The following ELMO1 variants were observed in gnomAD, a reference collection of about 807,000 sequenced individuals.
The protein encoded by ELMO1 is engulfment and cell motility protein 1.
ELMO1 carries 26 observed loss-of-function variants against 98.9 expected under a neutral mutation model. That is an observed-to-expected ratio of 0.26 (90% CI 0.19 to 0.36). The LOEUF (loss-of-function observed/expected upper bound fraction) is 0.36. Ranked by LOEUF, ELMO1 falls within the 10% of genes least tolerant of loss-of-function variation. The pLI, the probability that ELMO1 is intolerant of heterozygous loss-of-function variation, is 1.00. For missense variants in ELMO1, 627 were observed against 935.2 expected (o/e 0.67, Z 4.30); for synonymous variants, 346 against 346.0 (o/e 1.00, Z 0.00).
intron 2 of ELMO1, among the ~76,000 whole-genome samples, chr7:37,329,013 G>A (rs762728959): frequency 5.3e-5 from 8 of 152,156 alleles, no homozygotes; most frequent in Admixed American, 1.3e-4. Context: ...AATGCAGTCC[G>A]GAGTGACTCT....
intron 15 of ELMO1, among the ~76,000 whole-genome samples, chr7:37,066,195 C>T (rs770440263): frequency 1.3e-5 from 2 of 152,120 alleles, no homozygotes; most frequent in African/African-American, 2.4e-5. Context: ...CTATTAGCAG[C>T]GTGAGAACAG....
At chr7:36,975,845 G>GAAA (rs200193324) in intron 16 of ELMO1, among the ~76,000 whole-genome samples, 9,195 of 103,544 alleles carry the variant, frequency 0.089, 418 homozygotes, top group Middle Eastern at 0.23. Flanking sequence ...ACACTTGCCT[G>GAAA]AAAAAAAAAA....
intron 1 of ELMO1, among the ~76,000 whole-genome samples, chr7:37,406,432 A>AT (rs1261357840): frequency 5.6e-5 from 8 of 142,488 alleles, no homozygotes; most frequent in Admixed American, 3.7e-4. Flanking sequence ...GAAGTAAGAA[A>AT]ATTTTTTTTT....
At chr7:36,957,978 A>C (rs1168809779) in intron 16 of ELMO1, among the ~76,000 whole-genome samples, 1 of 152,072 alleles carries the variant, frequency 6.6e-6, no homozygotes, top group Non-Finnish European at 1.5e-5. Flanking sequence ...TGCTTTCTTT[A>C]ACTTACTACT....
In ELMO1 at chr7:37,293,023, C is replaced by T. The variant is rs1366766207; in HGVS notation, c.193-21141G>A. On this transcript the variant is annotated intron_variant, in intron 4 of 21. Coordinates refer to ENST00000310758, the MANE Select transcript of ELMO1 (RefSeq NM_014800.11). Reference sequence around the variant, plus strand: ...TGAGGAGCCACTCTGCCCAGCCAGCCGCCCCGTCCGGGAGGGAGGTGGGGG... The same window carrying T: ...TGAGGAGCCACTCTGCCCAGCCAGCTGCCCCGTCCGGGAGGGAGGTGGGGG... Among the ~76,000 whole-genome samples, 2 of 54,466 alleles carry T rather than the reference C, an allele frequency of 3.7e-5. 1 individual carries two copies. The highest frequency in any genetic ancestry group is 8.5e-5 in the Non-Finnish European group (2 of 23,632). The allele number at this position is 54,466 out of a possible 152,430, so 35.7% of individuals were successfully genotyped here. A position where few individuals can be genotyped will look rare whatever the true frequency, so the allele number is the denominator to read the frequency against.
intron 16 of ELMO1, among the ~76,000 whole-genome samples, chr7:36,945,587 G>C (rs750007216): frequency 3.3e-5 from 5 of 152,216 alleles, no homozygotes; most frequent in African/African-American, 4.8e-5. Context: ...GAATGCCTCT[G>C]TTTTTCCAAT....
At chr7:36,892,409 A>AAGCAATGAG (rs1805634882) in intron 17 of ELMO1, among the ~76,000 whole-genome samples, 1 of 151,996 alleles carries the variant, frequency 6.6e-6, no homozygotes, top group Admixed American at 6.6e-5. Context: ...TCCTGTAACT[A>AAGCAATGAG]AGCAATGAGC....
intron 14 of ELMO1, among the ~76,000 whole-genome samples, chr7:37,103,264 A>G (rs1784740054): frequency 6.6e-6 from 1 of 152,176 alleles, no homozygotes; most frequent in African/African-American, 2.4e-5. Context: ...CAGAAAACAA[A>G]ACATGGTTGC....
intron 15 of ELMO1, among the ~76,000 whole-genome samples, chr7:37,030,565 T>C (rs1257848702): frequency 6.6e-6 from 1 of 152,160 alleles, no homozygotes; most frequent in Non-Finnish European, 1.5e-5. Context: ...GTGTATATAC[T>C]CTTGTGGATT....
intron 16 of ELMO1, among the ~76,000 whole-genome samples, chr7:36,923,521 C>A (rs534834948): frequency 6.6e-6 from 1 of 152,254 alleles, no homozygotes; most frequent in South Asian, 2.1e-4. Context: ...ATTATCTAGG[C>A]CTTCCCCAGA....
chr7:37,377,499 C>T (rs1425460127), intron 1 of ELMO1, among the ~76,000 whole-genome samples: 1 of 152,164 alleles, frequency 6.6e-6, no homozygotes, highest in African/African-American at 2.4e-5. Flanking sequence ...TTTCTGTGAA[C>T]AGAGGACGGT....
At chr7:37,385,801 G>A (rs944226065) in intron 1 of ELMO1, among the ~76,000 whole-genome samples, 7 of 152,198 alleles carry the variant, frequency 4.6e-5, no homozygotes, top group Non-Finnish European at 1.0e-4. Context: ...CGAAGGGGCG[G>A]CCAATCTGCC....
At chr7:37,368,712 T>A (rs1422451147) in intron 1 of ELMO1, among the ~76,000 whole-genome samples, 1 of 152,216 alleles carries the variant, frequency 6.6e-6, no homozygotes, top group African/African-American at 2.4e-5. Flanking sequence ...TTTATCTGCA[T>A]AAGATGACCT....
chr7:37,174,890 C>T (rs747628331), intron 13 of ELMO1, among the ~76,000 whole-genome samples: 41 of 152,060 alleles, frequency 2.7e-4, no homozygotes, highest in Non-Finnish European at 5.6e-4. Flanking sequence ...ATAAGCCACA[C>T]CACAAATGCA....
At chr7:36,910,747 A>G (rs1232927821) in intron 16 of ELMO1, among the ~76,000 whole-genome samples, 1 of 152,212 alleles carries the variant, frequency 6.6e-6, no homozygotes, top group Non-Finnish European at 1.5e-5. Flanking sequence ...AGGACCAGAT[A>G]TAAACGATGG....
At chr7:36,889,228 A>C (rs758650313) in intron 17 of ELMO1, among the ~76,000 whole-genome samples, 2 of 152,242 alleles carry the variant, frequency 1.3e-5, no homozygotes, top group South Asian at 4.1e-4. Flanking sequence ...GAACATCTAT[A>C]AAGCATAATA....
intron 5 of ELMO1, among the ~76,000 whole-genome samples, chr7:37,268,093 CAAGCT>C (rs1386872650): frequency 2.6e-5 from 4 of 152,252 alleles, no homozygotes; most frequent in African/African-American, 9.6e-5. Flanking sequence ...TCTGGCAAGC[CAAGCT>C]GTTTCTGATA....
chr7:37,134,664 T>C (rs1292617366), intron 13 of ELMO1, among the ~76,000 whole-genome samples: 3 of 152,118 alleles, frequency 2.0e-5, no homozygotes, highest in Non-Finnish European at 4.4e-5. Context: ...TCCACCTATG[T>C]GTCCACCAAT....
At chr7:37,394,592 GGAA>G (rs1209689985) in intron 1 of ELMO1, among the ~76,000 whole-genome samples, 1 of 152,218 alleles carries the variant, frequency 6.6e-6, no homozygotes, top group Admixed American at 6.5e-5. Context: ...AGGAGACAAT[GGAA>G]GTGTCTTCCA....
Sources: gnomAD v4.1 joint callset for allele counts (sites outside exome capture counted in the v4.1 genomes callset) on GRCh38, gnomAD v4.1.1 for gene constraint, MANE v1.5 for transcripts, NCBI Gene and HGNC (gene_info 2026-07-23, HGNC 2026-07-21) for gene names.